Variants in RAB37 observed in about 807,000 individuals in gnomAD.
RAB37 encodes ras-related protein Rab-37.
RAB37 carries 29 observed loss-of-function variants against 33.1 expected under a neutral mutation model. The observed-to-expected ratio is 0.88, with a 90% CI of 0.65 to 1.20. RAB37 has a LOEUF of 1.20. Ranked by LOEUF, RAB37 falls within the 50% of genes most tolerant of loss-of-function variation. The pLI is 0.00. For synonymous variants in RAB37, 128 were observed against 119.5 expected (o/e 1.07, Z -0.47); for missense variants, 299 against 301.1 (o/e 0.99, Z 0.05).
intron 1 of RAB37, among the ~76,000 whole-genome samples, chr17:74,705,833 G>A (rs762705121): frequency 3.3e-5 from 5 of 152,110 alleles, no homozygotes; most frequent in Non-Finnish European, 7.4e-5. Context: ...GGGCTCAAGC[G>A]ATCCACCCAC....
At chr17:74,732,029 A>C (rs1267514203) in intron 2 of RAB37, among the ~76,000 whole-genome samples, 6 of 152,058 alleles carry the variant, frequency 3.9e-5, no homozygotes, top group African/African-American at 1.4e-4. Context: ...ACAACAAAAA[A>C]AAAAAAACAC....
At chr17:74,704,762 C>A (rs141171369) in intron 1 of RAB37, 2 of 1,614,124 alleles carry the variant, frequency 1.2e-6, no homozygotes, top group East Asian at 4.5e-5. Context: ...CAAGGAGCCC[C>A]GCTCCAAGCC....
chr17:74,718,488 G>A (rs1225617386), intron 1 of RAB37, among the ~76,000 whole-genome samples: 1 of 152,158 alleles, frequency 6.6e-6, no homozygotes, highest in Non-Finnish European at 1.5e-5. Context: ...CCTTGACAAA[G>A]TGGAAGAGCT....
chr17:74,726,199 C>T (rs1290194783), intron 1 of RAB37, among the ~76,000 whole-genome samples: 6 of 147,772 alleles, frequency 4.1e-5, no homozygotes, highest in Non-Finnish European at 7.4e-5. Flanking sequence ...TGTGACACCG[C>T]ATTCCAGCCT....
At chr17:74,710,079 C>T (rs894516331) in intron 1 of RAB37, among the ~76,000 whole-genome samples, 1 of 152,072 alleles carries the variant, frequency 6.6e-6, no homozygotes, top group Non-Finnish European at 1.5e-5. Context: ...CCCGGGTTCA[C>T]GCCATTCTCC....
intron 1 of RAB37, among the ~76,000 whole-genome samples, chr17:74,692,389 A>G (rs1486698143): frequency 6.6e-6 from 1 of 152,100 alleles, no homozygotes; most frequent in African/African-American, 2.4e-5. Flanking sequence ...AGCCCTTGAA[A>G]TTCTAGGGAA....
chr17:74,693,864 G>A lies in RAB37; in HGVS notation c.72+22206G>A, dbSNP rs138592860. 3.5e-3 allele frequency among the ~76,000 whole-genome samples: 534 copies of A among 150,528 alleles called. 1 individual carries two copies. Among genetic ancestry groups the A allele is most frequent in the Non-Finnish European group, 5.5e-3 (372 of 67,310 alleles). On this transcript the variant is annotated intron_variant, in intron 1 of 7. Coordinates refer to the RAB37 transcript ENST00000340415. ...GAATTGCTTGAACCCGGGAATCAGA[G>A]GTTGCAGTGAGCCGAGATCTCACCA...
chr17:74,736,715 C>G, upstream of RAB37: 1 of 1,535,690 alleles, frequency 6.5e-7, no homozygotes, highest in Non-Finnish European at 8.7e-7. Context: ...AACACCGCAG[C>G]GTACATGTGC....
chr17:74,737,044 C>G, upstream of RAB37: 1 of 1,608,896 alleles, frequency 6.2e-7, no homozygotes, highest in Non-Finnish European at 8.5e-7. Flanking sequence ...GGAGCCGAGC[C>G]GGTGTTGCTC....
chr17:74,702,088 G>A (rs1015619438), intron 1 of RAB37, among the ~76,000 whole-genome samples: 1 of 152,142 alleles, frequency 6.6e-6, no homozygotes, highest in Non-Finnish European at 1.5e-5. Flanking sequence ...GGGAGAGGGG[G>A]AGTAGAAGGG....
intron 1 of RAB37, among the ~76,000 whole-genome samples, chr17:74,712,620 C>A (rs2034053718): frequency 1.3e-5 from 2 of 152,228 alleles, no homozygotes; most frequent in African/African-American, 4.8e-5. Context: ...AGGAATTCTG[C>A]CTTGCACTGG....
At chr17:74,693,167 GA>G (rs1212480228) in intron 1 of RAB37, among the ~76,000 whole-genome samples, 1 of 152,260 alleles carries the variant, frequency 6.6e-6, no homozygotes, top group Non-Finnish European at 1.5e-5. Context: ...CATTTAAGCT[GA>G]AATGTGATGA....
chr17:74,703,289 CCTGGTCT>C (rs1429610745), intron 1 of RAB37: 2 of 632,218 alleles, frequency 3.2e-6, no homozygotes, highest in Non-Finnish European at 5.5e-6. Context: ...CTCATGTCTC[CCTGGTCT>C]CTAGGAGACT....
intron 1 of RAB37, among the ~76,000 whole-genome samples, chr17:74,725,628 A>AT (rs11385089): frequency 0.025 from 3,703 of 145,712 alleles, 116 homozygotes; most frequent in East Asian, 0.17. Flanking sequence ...TTATCAGTAG[A>AT]TTTTTTTTTT....
chr17:74,677,894 C>T (rs1351183802), intron 1 of RAB37, among the ~76,000 whole-genome samples: 2 of 152,094 alleles, frequency 1.3e-5, no homozygotes, highest in Non-Finnish European at 2.9e-5. Context: ...ATTTGTGGTC[C>T]CTGGGGCCTT....
At chr17:74,672,078 G>C (rs149401969) in intron 1 of RAB37, among the ~76,000 whole-genome samples, 28 of 152,320 alleles carry the variant, frequency 1.8e-4, no homozygotes, top group African/African-American at 6.7e-4. Context: ...GTCTGCAGCA[G>C]AGATGAACTG....
chr17:74,693,664 C>T (rs533520714), intron 1 of RAB37, among the ~76,000 whole-genome samples: 65 of 152,152 alleles, frequency 4.3e-4, no homozygotes, highest in African/African-American at 1.2e-3. Context: ...TGTGGTGGCT[C>T]ACACCTATAA....
chr17:74,713,309 CAAAAACA>C (rs2034089526), intron 1 of RAB37, among the ~76,000 whole-genome samples: 2 of 59,316 alleles, frequency 3.4e-5, no homozygotes, highest in African/African-American at 1.4e-4. Context: ...CTGTCTCAAA[CAAAAACA>C]AAAAAAAAAA....
intron 1 of RAB37, among the ~76,000 whole-genome samples, chr17:74,697,977 C>A (rs1211258219): frequency 6.6e-6 from 1 of 152,176 alleles, no homozygotes; most frequent in African/African-American, 2.4e-5. Context: ...TTTCTCCCTC[C>A]CCATTCCATG....
Sources: gnomAD v4.1 joint callset for allele counts (sites outside exome capture counted in the v4.1 genomes callset) on GRCh38, gnomAD v4.1.1 for gene constraint, MANE v1.5 for transcripts, NCBI Gene and HGNC (gene_info 2026-07-23, HGNC 2026-07-21) for gene names.